The following SLC35F2 variants were observed in gnomAD, a reference collection of about 807,000 sequenced individuals.
The protein encoded by SLC35F2 is solute carrier family 35 member F2.
SLC35F2 carries 25 observed loss-of-function variants against 38.1 expected under a neutral mutation model. The observed-to-expected ratio is 0.66, with a 90% CI of 0.48 to 0.92. The LOEUF is 0.92. SLC35F2 is among the 40% of genes least tolerant of loss of function. SLC35F2 has a pLI of 0.00. For missense variants in SLC35F2, 409 were observed against 452.9 expected (o/e 0.90, Z 0.88); for synonymous variants, 173 against 181.7 (o/e 0.95, Z 0.38).
At chr11:107,854,382 A>G (rs766001802) in intron 1 of SLC35F2, among the ~76,000 whole-genome samples, 2 of 152,116 alleles carry the variant, frequency 1.3e-5, no homozygotes, top group Non-Finnish European at 2.9e-5. Flanking sequence ...GCAGTAAGCC[A>G]TGATCAGCCA....
intron 1 of SLC35F2, among the ~76,000 whole-genome samples, chr11:107,819,939 T>G (rs182798235): frequency 1.7e-4 from 26 of 152,240 alleles, no homozygotes; most frequent in African/African-American, 5.1e-4. Context: ...AAGAGATCAG[T>G]GCTCCTATTA....
Position 107,793,377 on chromosome 11 carries a change from T to C in SLC35F2, c.940-577A>G, listed in dbSNP as rs570623120. On this transcript the variant is annotated intron_variant, in intron 7 of 7. Coordinates refer to ENST00000525815, the MANE Select transcript of SLC35F2 (RefSeq NM_017515.5). ...AATGGACCTTTGCTTTTCTCTGTCA[T>C]AATCCAGCTACACCCCACTCTGCAT... 5.9e-5 allele frequency among the ~76,000 whole-genome samples: 9 copies of C among 152,286 alleles called. No individual in the cohort carries two copies. In the South Asian group the frequency reaches 1.9e-3, roughly 32 times the overall value.
rs1163903791 is a variant in SLC35F2 at position 107,818,072 on chromosome 11, A to AAAAGAAAGAAAGAAAGAAAG, written c.111-2127_111-2108dup. Among the ~76,000 whole-genome samples the AAAAGAAAGAAAGAAAGAAAG allele has an allele frequency of 1.2e-3, 82 of 68,470 alleles. 1 individual carries two copies. Among genetic ancestry groups the AAAAGAAAGAAAGAAAGAAAG allele is most frequent in the East Asian group, 4.8e-3 (11 of 2,308 alleles). 44.9% of individuals were successfully genotyped at this position (68,470 alleles called of 152,430 possible). On this transcript the variant is annotated intron_variant, in intron 1 of 7. Coordinates refer to ENST00000525815, the MANE Select transcript of SLC35F2 (RefSeq NM_017515.5). Reference sequence around the variant, plus strand: ...ACTCTGTCTCAAAAAAAAAAAAAAAAAAAGAAAGAAAGAAAGAAAGAAAGA... The same window carrying AAAAGAAAGAAAGAAAGAAAG: ...ACTCTGTCTCAAAAAAAAAAAAAAAAAAAGAAAGAAAGAAAGAAAGAAAGAAAGAAAGAAAGAAAGAAAGA...
At chr11:107,830,017 T>C (rs1040665003) in intron 1 of SLC35F2, among the ~76,000 whole-genome samples, 1 of 151,952 alleles carries the variant, frequency 6.6e-6, no homozygotes, top group Non-Finnish European at 1.5e-5. Flanking sequence ...TCCTAGCACG[T>C]TGGGAAGGCC....
In SLC35F2 at chr11:107,845,652, T is replaced by C. The variant is rs553984829; in HGVS notation, c.110+13006A>G. On this transcript the variant is annotated intron_variant, in intron 1 of 7. Coordinates refer to ENST00000525815, the MANE Select transcript of SLC35F2 (RefSeq NM_017515.5). ...TGTGACACATCACTTGTTGGATGGCTTTCAATAACATAGGCTCTGGCTGGG... is the reference window on the plus strand; with the variant it reads ...TGTGACACATCACTTGTTGGATGGCCTTCAATAACATAGGCTCTGGCTGGG... Among the ~76,000 whole-genome samples the C allele has an allele frequency of 3.3e-5, 5 of 151,702 alleles. No individual in the cohort carries two copies. In the South Asian group the frequency reaches 1.0e-3, roughly 32 times the overall value.
At chr11:107,858,630 G>T (rs1338527416) in intron 1 of SLC35F2, 28 bp downstream of exon 1, 4 of 1,268,304 alleles carry the variant, frequency 3.2e-6, no homozygotes, top group Non-Finnish European at 1.0e-6. Flanking sequence ...ACGCCCCAGC[G>T]GAGCTGCAGC....
At chr11:107,852,668 T>C (rs1429422659) in intron 1 of SLC35F2, among the ~76,000 whole-genome samples, 1 of 151,738 alleles carries the variant, frequency 6.6e-6, no homozygotes, top group African/African-American at 2.4e-5. Context: ...GGTCAGGAGT[T>C]CAAGACCAGC....
intron 1 of SLC35F2, among the ~76,000 whole-genome samples, chr11:107,854,526 CTTGAG>C (rs1014044598): frequency 6.6e-6 from 1 of 152,130 alleles, no homozygotes; most frequent in Admixed American, 6.5e-5. Flanking sequence ...ATATTTTTCA[CTTGAG>C]TTGACAGTAA....
rs184076923 is a variant in SLC35F2, at chr11:107,805,420, T to C, written c.670A>G (p.Ser224Gly). 1 of 1,614,164 alleles carries C rather than the reference T, an allele frequency of 6.2e-7. No homozygotes were observed. Among genetic ancestry groups the C allele is most frequent in the Admixed American group, 1.7e-5 (1 of 60,026 alleles). ...VCEEYIVKKL[S>G]RQEFLGMVGL... ...ACCATTCCTAAAAACTCCTGTCTGCTCAGCTTCTTCACGATGTATTCCTCA... is the reference window on the plus strand; with the variant it reads ...ACCATTCCTAAAAACTCCTGTCTGCCCAGCTTCTTCACGATGTATTCCTCA... The change falls in exon 5 of 8, where the codon AGC becomes GGC. Residue 224 changes from serine to glycine, a missense_variant. Coordinates refer to ENST00000525815, the MANE Select transcript of SLC35F2 (RefSeq NM_017515.5).
At chr11:107,815,607 C>CT (rs1027788011) in intron 2 of SLC35F2, among the ~76,000 whole-genome samples, 183 bp downstream of exon 2, 3 of 149,898 alleles carry the variant, frequency 2.0e-5, no homozygotes, top group Admixed American at 6.7e-5. Context: ...AAAAAAAACA[C>CT]TTTTTTTTTG....
intron 1 of SLC35F2, chr11:107,840,893 G>T (rs1469002189): frequency 6.6e-6 from 1 of 152,232 alleles, no homozygotes; most frequent in African/African-American, 2.4e-5. Context: ...GACTAATCTA[G>T]AAAGCTCGTG....
At chr11:107,821,598 C>G in intron 1 of SLC35F2, 1 of 985,392 alleles carries the variant, frequency 1.0e-6, no homozygotes, top group African/African-American at 1.7e-5. Flanking sequence ...GTACAAGGTC[C>G]TGGTTCATGT....
chr11:107,852,428 G>A (rs1002081700), intron 1 of SLC35F2, among the ~76,000 whole-genome samples: 10 of 152,034 alleles, frequency 6.6e-5, no homozygotes, highest in African/African-American at 2.4e-4. Flanking sequence ...ACAGGCACCT[G>A]TAGTCCCAGC....
chr11:107,815,704 T>G, intron 2 of SLC35F2, 86 bp downstream of exon 2: 1 of 1,447,430 alleles, frequency 6.9e-7, no homozygotes, highest in Admixed American at 2.2e-5. Flanking sequence ...AGTCACTACT[T>G]TCACAGAATT....
At chr11:107,804,345 T>C (rs1441551283) in intron 6 of SLC35F2, among the ~76,000 whole-genome samples, 1 of 151,990 alleles carries the variant, frequency 6.6e-6, no homozygotes, top group East Asian at 1.9e-4. Context: ...GTGAGGGAGA[T>C]TTCACACCAT....
intron 2 of SLC35F2, among the ~76,000 whole-genome samples, chr11:107,812,861 T>G (rs1019497486): frequency 5.3e-5 from 8 of 152,196 alleles, no homozygotes; most frequent in Non-Finnish European, 1.0e-4. Context: ...AAGAAAAGTC[T>G]GCAGGTGATC....
chr11:107,854,365 C>A lies in SLC35F2; in HGVS notation c.110+4293G>T, dbSNP rs376174607. 4.6e-5 allele frequency among the ~76,000 whole-genome samples: 7 copies of A among 151,812 alleles called. No individual in the cohort carries two copies. The East Asian group carries it at 7.8e-4, about 17-fold the overall frequency. On this transcript the variant is annotated intron_variant, in intron 1 of 7. Transcript: ENST00000525815. The stretch of plus-strand genomic sequence containing the variant: ...GGAGGATCACTTGAGCCACGGAGGT[C>A]GAGGCTGCAGTAAGCCATGATCAGC...
At chr11:107,850,154 C>T (rs1330035535) in intron 1 of SLC35F2, among the ~76,000 whole-genome samples, 5 of 152,138 alleles carry the variant, frequency 3.3e-5, no homozygotes, top group Non-Finnish European at 5.9e-5. Context: ...TTGCTCCATC[C>T]TGGGGTGCAT....
At chr11:107,797,460 G>T (rs545800215) in intron 7 of SLC35F2, among the ~76,000 whole-genome samples, 10 of 152,128 alleles carry the variant, frequency 6.6e-5, no homozygotes, top group African/African-American at 2.4e-4. Flanking sequence ...GGCTAAGGTG[G>T]GAGGATCACT....
Sources: allele counts gnomAD v4.1 joint callset (sites outside exome capture counted in the v4.1 genomes callset), GRCh38; gene constraint gnomAD v4.1.1; transcripts MANE v1.5; gene names NCBI Gene and HGNC (gene_info 2026-07-23, HGNC 2026-07-21).